Variants in ST3GAL3 observed in about 807,000 individuals in gnomAD.
ST3GAL3 encodes ST3 beta-galactoside alpha-2,3-sialyltransferase 3.
ST3GAL3 carries 21 observed loss-of-function variants against 50.1 expected under a neutral mutation model. The ratio of observed to expected loss-of-function variants is 0.42; its 90% confidence interval spans 0.30 to 0.60. The LOEUF (loss-of-function observed/expected upper bound fraction) is 0.60. Ranked by LOEUF, ST3GAL3 falls within the 20% of genes least tolerant of loss-of-function variation. The probability of loss-of-function intolerance (pLI) is 0.19; values close to 1 mark genes in which losing one functional copy is unlikely to be tolerated. For missense variants in ST3GAL3, 353 were observed against 489.4 expected, an observed-to-expected ratio of 0.72 and a Z score of 2.63; for synonymous variants, 183 against 190.0, an observed-to-expected ratio of 0.96 and a Z score of 0.30.
chr1:43,713,475 G>A (rs1665754297), intron 1 of ST3GAL3, among the ~76,000 whole-genome samples: 1 of 150,612 alleles, frequency 6.6e-6, no homozygotes, highest in Non-Finnish European at 1.5e-5. Context: ...CATGGTAGGT[G>A]ATCACTAGTC....
In ST3GAL3 at chr1:43,920,815, A is replaced by C; in HGVS notation, c.925A>C (p.Met309Leu). The C allele has an allele frequency of 6.2e-7, 1 of 1,614,124 alleles. No homozygotes were observed. Among genetic ancestry groups the C allele is most frequent in the African/African-American group, 1.3e-5 (1 of 75,030 alleles). ...TACCCTTGGCAGTGTGGCAGTGACC[A>C]TGGCACTACACGGCTGTGACGAGGT... ...IPTLGSVAVT[M>L]ALHGCDEVAV... The change falls in exon 11 of 12, where the codon ATG becomes CTG. Residue 309 changes from methionine (M) to leucine (L), a missense_variant. Physicochemically the swap from Met to Leu is conservative, Grantham distance 15. Transcript: ENST00000347631.
At chr1:43,905,317 C>T (rs2079140597) in intron 9 of ST3GAL3, among the ~76,000 whole-genome samples, 1 of 137,614 alleles carries the variant, frequency 7.3e-6, no homozygotes, top group Non-Finnish European at 1.6e-5. Flanking sequence ...CACTTTTCCT[C>T]CCCCTCCTCC....
chr1:43,718,185 CTTTTT>C (rs57506461), intron 1 of ST3GAL3, among the ~76,000 whole-genome samples: 17 of 83,376 alleles, frequency 2.0e-4, no homozygotes, highest in African/African-American at 7.8e-4. Flanking sequence ...ATCATTAAAT[CTTTTT>C]TTTTTTTTTT....
At chr1:43,815,045 G>GAGGACAGAGGCCCCA in intron 4 of ST3GAL3, 112 bp downstream of exon 4, 1 of 1,085,834 alleles carries the variant, frequency 9.2e-7, no homozygotes, top group Non-Finnish European at 1.4e-6. Flanking sequence ...GGGACTCCCT[G>GAGGACAGAGGCCCCA]GGGCCTCTGT....
chr1:43,817,766 T>TTCTTCC (rs1553351901), intron 4 of ST3GAL3, among the ~76,000 whole-genome samples: 1 of 81,624 alleles, frequency 1.2e-5, no homozygotes, highest in Non-Finnish European at 2.5e-5. Context: ...CTTCTTCCTC[T>TTCTTCC]TCTTCTTCTC....
At chr1:43,830,734 A>T (rs1444476647) in intron 4 of ST3GAL3, among the ~76,000 whole-genome samples, 2 of 152,224 alleles carry the variant, frequency 1.3e-5, no homozygotes. Flanking sequence ...AAGTTCCTGC[A>T]CATAGATGAT....
chr1:43,898,964 T>C (rs1447642821), intron 7 of ST3GAL3: 7 of 644,646 alleles, frequency 1.1e-5, no homozygotes, highest in South Asian at 5.8e-5. Context: ...AGGGCCTAGA[T>C]AGAGATGCTG....
At chr1:43,858,142 A>G in intron 5 of ST3GAL3, 1 of 1,289,396 alleles carries the variant, frequency 7.8e-7, no homozygotes, top group Non-Finnish European at 1.0e-6. Flanking sequence ...CAGAGCTAAG[A>G]GAAATGGTGC....
chr1:43,915,806 A>T (rs1256143124), intron 9 of ST3GAL3, among the ~76,000 whole-genome samples: 2 of 152,194 alleles, frequency 1.3e-5, no homozygotes, highest in Admixed American at 6.5e-5. Flanking sequence ...TACATGGAAA[A>T]TCATTCTGGC....
intron 5 of ST3GAL3, among the ~76,000 whole-genome samples, chr1:43,878,795 G>C (rs921681512): frequency 6.6e-6 from 1 of 152,174 alleles, no homozygotes; most frequent in African/African-American, 2.4e-5. Flanking sequence ...GAGCAGACAC[G>C]GTAGTTTTGA....
chr1:43,866,114 A>T (rs919627175), intron 5 of ST3GAL3, among the ~76,000 whole-genome samples: 4 of 152,180 alleles, frequency 2.6e-5, no homozygotes, highest in African/African-American at 9.7e-5. Context: ...GTTCTCAAAG[A>T]CACCCAGGTA....
intron 3 of ST3GAL3, chr1:43,799,747 A>G (rs2059110539): frequency 6.6e-6 from 1 of 152,158 alleles, no homozygotes; most frequent in South Asian, 2.1e-4. Context: ...ATGAGGTGGT[A>G]AGCTCCATGA....
Position 43,862,633 on chromosome 1 carries a change from C to T in ST3GAL3, c.302+24322C>T, listed in dbSNP as rs547856283. ...AGCATCAACAGTGGGCAGAGCCAGG[C>T]GCAGTGGCTCACACTTGTAATCCCA... On this transcript the variant is annotated intron_variant, in intron 5 of 11. Transcript: ENST00000347631. 4.7e-4 allele frequency among the ~76,000 whole-genome samples: 71 copies of T among 151,582 alleles called. No homozygotes were observed. In the South Asian group the frequency reaches 7.7e-3, roughly 16 times the overall value.
intron 3 of ST3GAL3, among the ~76,000 whole-genome samples, chr1:43,798,871 TTAAA>T (rs1357939339): frequency 1.3e-5 from 2 of 152,302 alleles, no homozygotes; most frequent in South Asian, 2.1e-4. Context: ...TAAGTAGGTG[TTAAA>T]TAAATAGGTG....
At chr1:43,750,429 T>C (rs1351090086) in intron 2 of ST3GAL3, among the ~76,000 whole-genome samples, 1 of 152,194 alleles carries the variant, frequency 6.6e-6, no homozygotes, top group African/African-American at 2.4e-5. Flanking sequence ...TTTCCATCAG[T>C]AGGTAAGTAA....
At chr1:43,721,283 C>G (rs1475800687) in intron 1 of ST3GAL3, among the ~76,000 whole-genome samples, 2 of 148,518 alleles carry the variant, frequency 1.3e-5, no homozygotes, top group East Asian at 3.9e-4. Context: ...AATGAAGTAC[C>G]TATAATTAAA....
intron 3 of ST3GAL3, among the ~76,000 whole-genome samples, chr1:43,801,123 C>G (rs6676424): frequency 0.047 from 7,150 of 152,186 alleles, 554 homozygotes; most frequent in African/African-American, 0.16. Flanking sequence ...AATTATAATT[C>G]GAAGCACGGC....
chr1:43,747,561 A>ATTTTT (rs71579307), intron 2 of ST3GAL3, among the ~76,000 whole-genome samples: 3 of 90,594 alleles, frequency 3.3e-5, no homozygotes, highest in African/African-American at 4.8e-5. Flanking sequence ...TAGCTCAGGG[A>ATTTTT]TTTTTTTTTT....
At chr1:43,897,696 G>A (rs1293410851) in intron 6 of ST3GAL3, among the ~76,000 whole-genome samples, 2 of 152,200 alleles carry the variant, frequency 1.3e-5, no homozygotes, top group African/African-American at 4.8e-5. Flanking sequence ...GCAAAGAGCA[G>A]GATTCAGGAT....
Sources: gnomAD v4.1 joint callset for allele counts (sites outside exome capture counted in the v4.1 genomes callset) on GRCh38, gnomAD v4.1.1 for gene constraint, MANE v1.5 for transcripts, NCBI Gene and HGNC (gene_info 2026-07-23, HGNC 2026-07-21) for gene names.